AACS: variants seen among roughly 807,000 people sequenced by gnomAD.
AACS encodes the protein acetoacetyl-CoA synthetase, also known as acetoacetate-CoA ligase.
Under a neutral mutation model 83.1 loss-of-function variants are expected in AACS, and 69 were observed. The ratio of observed to expected loss-of-function variants is 0.83; its 90% CI spans 0.68 to 1.01. The LOEUF (loss-of-function observed/expected upper bound fraction) is 1.01, where lower values mean the gene tolerates loss of function less well. Among genes scored for constraint, AACS ranks in the 50% least tolerant of loss-of-function variants. The probability of loss-of-function intolerance (pLI) is 0.00; values close to 1 mark genes in which losing one functional copy is unlikely to be tolerated. For missense variants in AACS, 866 were observed against 882.2 expected (o/e 0.98, Z 0.23); for synonymous variants, 333 against 343.4 (o/e 0.97, Z 0.33).
At chr12:125,066,901 G>A (rs1378844673) in intron 1 of AACS, among the ~76,000 whole-genome samples, 2 of 152,144 alleles carry the variant, frequency 1.3e-5, no homozygotes, top group Non-Finnish European at 2.9e-5. Flanking sequence ...TTCTGCCACA[G>A]CCCCATGTCG....
chr12:125,109,535 A>G (rs1956905981), intron 8 of AACS, among the ~76,000 whole-genome samples: 1 of 152,214 alleles, frequency 6.6e-6, no homozygotes, highest in Non-Finnish European at 1.5e-5. Context: ...TGGAGCCACA[A>G]TGATCTTTCA....
intron 5 of AACS, among the ~76,000 whole-genome samples, chr12:125,093,836 G>A (rs989273010): frequency 8.5e-5 from 13 of 152,200 alleles, no homozygotes; most frequent in African/African-American, 2.2e-4. Context: ...CACGTTACTC[G>A]CACTCGAACT....
intron 2 of AACS, among the ~76,000 whole-genome samples, chr12:125,075,534 C>T (rs10846821): frequency 0.39 from 58,773 of 151,020 alleles, 12,596 homozygotes; most frequent in Non-Finnish European, 0.48. Context: ...TCAGGTGATC[C>T]GCCTGCCTTG....
At position 125,083,233 on chromosome 12, in the gene AACS, G is replaced by T. The variant is rs796181252; in HGVS notation, c.359-3097G>T. Among the ~76,000 whole-genome samples the T allele has an allele frequency of 4.7e-4, 72 of 152,312 alleles. 1 individual carries two copies. The highest frequency in any genetic ancestry group is 1.7e-3 in the African/African-American group (70 of 41,582). ...CACGTGGCTGTTGGTGGGAGGCCTC[G>T]TTCCTCCTCGTGTGGGCTGCCTCCT... is the stretch of plus-strand genomic sequence containing the variant. On this transcript the variant is annotated intron_variant, in intron 3 of 17. Coordinates refer to ENST00000316519, the MANE Select transcript of AACS (RefSeq NM_023928.5).
rs1282325506 is a variant in AACS, at chr12:125,134,910, C to T, written c.1678+58C>T. On this transcript the variant is annotated intron_variant, in intron 16 of 17. Transcript: ENST00000316519. ...TCTCCAGGAAGGAGGAGGGTCCTGGCGGGAGCCCCAGGAGCCCCACCTTTG... is the reference window on the plus strand; with the variant it reads ...TCTCCAGGAAGGAGGAGGGTCCTGGTGGGAGCCCCAGGAGCCCCACCTTTG... The T allele has an allele frequency of 1.0e-5, 16 of 1,596,898 alleles. No individual in the cohort carries two copies. In the African/African-American group the frequency reaches 1.1e-4, roughly 11 times the overall value.
At chr12:125,126,148 T>A (rs1957242136) in intron 12 of AACS, 1 of 151,982 alleles carries the variant, frequency 6.6e-6, no homozygotes, top group African/African-American at 2.4e-5. Flanking sequence ...TTAGTAGAGA[T>A]GAGATTTCAC....
At chr12:125,111,173 C>T (rs568913088) in intron 8 of AACS, among the ~76,000 whole-genome samples, 31 of 152,062 alleles carry the variant, frequency 2.0e-4, no homozygotes, top group African/African-American at 6.5e-4. Flanking sequence ...GAAAGCCAGT[C>T]GGGGTGTGTT....
intron 5 of AACS, among the ~76,000 whole-genome samples, chr12:125,099,190 G>C (rs1180073718): frequency 6.6e-6 from 1 of 152,216 alleles, no homozygotes; most frequent in East Asian, 1.9e-4. Flanking sequence ...GCCTGTTGCT[G>C]TAGTCGATAA....
At chr12:125,134,130 G>A (rs1352308143) in intron 15 of AACS, 58 bp downstream of exon 15, 11 of 1,575,706 alleles carry the variant, frequency 7.0e-6, no homozygotes, top group Non-Finnish European at 9.5e-6. Context: ...GAGGCATGGG[G>A]GTGGGAGAGG....
chr12:125,108,863 CT>C (rs60511961), intron 8 of AACS, among the ~76,000 whole-genome samples: 48,904 of 126,146 alleles, frequency 0.39, 9,009 homozygotes, highest in East Asian at 0.55. Flanking sequence ...ATTTTTGTGG[CT>C]TTTTTTTTTT....
chr12:125,086,766 G>A (rs1273799395), intron 4 of AACS, among the ~76,000 whole-genome samples: 3 of 151,720 alleles, frequency 2.0e-5, no homozygotes, highest in African/African-American at 7.3e-5. Context: ...GCTTGCTGGA[G>A]GGATGAAGGC....
intron 5 of AACS, among the ~76,000 whole-genome samples, chr12:125,099,003 C>T (rs7132749): frequency 6.6e-6 from 1 of 152,186 alleles, no homozygotes; most frequent in Non-Finnish European, 1.5e-5. Context: ...ATGTCCTTTT[C>T]TCACTGGACA....
chr12:125,104,295 C>T (rs1956787050), intron 7 of AACS, among the ~76,000 whole-genome samples: 1 of 152,142 alleles, frequency 6.6e-6, no homozygotes, highest in Non-Finnish European at 1.5e-5. Flanking sequence ...ATACCAGCCA[C>T]GGGGACCAGA....
At position 125,090,426 on chromosome 12, in the gene AACS, C is replaced by T. The variant is rs982786482; in HGVS notation, c.473-1000C>T. ...TCTACCCATTCATCCATCTTCCATT[C>T]ATCATCCTCATCCACCATCCATCCA... is the stretch of plus-strand genomic sequence containing the variant. On this transcript the variant is annotated intron_variant, in intron 4 of 17. Transcript: ENST00000316519. Among the ~76,000 whole-genome samples the T allele has an allele frequency of 1.7e-4, 25 of 150,510 alleles. No individual in the cohort carries two copies. The East Asian group carries it at 4.6e-3, about 27-fold the overall frequency.
intron 3 of AACS, among the ~76,000 whole-genome samples, chr12:125,085,188 G>C (rs1042544367): frequency 2.6e-5 from 4 of 152,224 alleles, no homozygotes; most frequent in African/African-American, 9.6e-5. Context: ...AATTCCGTAA[G>C]GTGGCAGAGA....
At chr12:125,075,473 G>T (rs1012144188) in intron 2 of AACS, among the ~76,000 whole-genome samples, 1 of 151,290 alleles carries the variant, frequency 6.6e-6, no homozygotes, top group Non-Finnish European at 1.5e-5. Flanking sequence ...TGCATTTTTA[G>T]TAGAGATGGG....
At chr12:125,084,575 TA>T (rs1473440166) in intron 3 of AACS, among the ~76,000 whole-genome samples, 2 of 133,558 alleles carry the variant, frequency 1.5e-5, no homozygotes, top group African/African-American at 3.0e-5. Flanking sequence ...GGCTAGTTTT[TA>T]AATTTTTTTT....
intron 1 of AACS, among the ~76,000 whole-genome samples, chr12:125,067,634 C>T (rs10846818): frequency 0.15 from 22,478 of 151,880 alleles, 1,963 homozygotes; most frequent in East Asian, 0.24. Flanking sequence ...CCTGGGTTCA[C>T]GCAGTTCTCC....
chr12:125,098,453 C>A (rs1442037761), intron 5 of AACS, among the ~76,000 whole-genome samples: 3 of 143,510 alleles, frequency 2.1e-5, no homozygotes, highest in Non-Finnish European at 3.1e-5. Context: ...TTCTCATTAC[C>A]TTTTTTTTTT....
Sources: allele counts gnomAD v4.1 joint callset (sites outside exome capture counted in the v4.1 genomes callset), GRCh38; gene constraint gnomAD v4.1.1; transcripts MANE v1.5; gene names NCBI Gene and HGNC (gene_info 2026-07-23, HGNC 2026-07-21).